Variants in ZMIZ1 observed in about 807,000 individuals in gnomAD.
The protein encoded by ZMIZ1 is zinc finger MIZ-type containing 1, also known as zinc finger MIZ domain-containing protein 1.
In ZMIZ1, 17 loss-of-function variants were observed where a neutral mutation model predicts 113.9. The ratio of observed to expected loss-of-function variants is 0.15; its 90% CI spans 0.10 to 0.22. The LOEUF is 0.22. ZMIZ1 is among the 10% of genes least tolerant of loss of function. The pLI is 1.00. For synonymous variants in ZMIZ1, 607 were observed against 603.1 expected, an observed-to-expected ratio of 1.01 and a Z score of -0.09; for missense variants, 1,059 against 1,477.8, an observed-to-expected ratio of 0.72 and a Z score of 4.65.
intron 2 of ZMIZ1, among the ~76,000 whole-genome samples, chr10:79,137,965 G>A (rs967603520): frequency 1.3e-5 from 2 of 152,134 alleles, no homozygotes; most frequent in Non-Finnish European, 2.9e-5. Flanking sequence ...GTGGTAAACC[G>A]ATCTGGCTTC....
chr10:79,089,138 G>C (rs996715186), intron 1 of ZMIZ1, among the ~76,000 whole-genome samples: 23 of 152,232 alleles, frequency 1.5e-4, no homozygotes, highest in African/African-American at 5.3e-4. Context: ...ACCTGGGCTG[G>C]TGCCACACTT....
At position 79,106,868 on chromosome 10, in the gene ZMIZ1, C is replaced by T. The variant is rs114457785; in HGVS notation, c.-336-12047C>T. On this transcript the variant is annotated intron_variant, in intron 1 of 24. Transcript: ENST00000334512. The stretch of plus-strand genomic sequence containing the variant: ...CAGGCATCGTGCAGGTGGCCGAGTG[C>T]CCCAGATTTTCTAGGACAGCCCTGG... 3.4e-3 allele frequency among the ~76,000 whole-genome samples: 518 copies of T among 152,322 alleles called. 3 individuals are homozygous for T. Among genetic ancestry groups the T allele is most frequent in the African/African-American group, 0.012 (506 of 41,562 alleles).
rs556605419 is a variant in ZMIZ1, at chr10:79,251,849, C to G, written c.281-25332C>G. Among the ~76,000 whole-genome samples, 7 of 152,210 alleles carry G rather than the reference C, an allele frequency of 4.6e-5. No homozygotes were observed. In the East Asian group the frequency reaches 7.7e-4, roughly 17 times the overall value. On this transcript the variant is annotated intron_variant, in intron 7 of 24. Transcript: ENST00000334512. ...CTGGAAAACGGACAGAAGCCATTGT[C>G]CCAGGGGGTCAGGGCAGCAGCACCC... is the stretch of plus-strand genomic sequence containing the variant.
At chr10:79,184,430 A>G (rs1847263607) in intron 4 of ZMIZ1, among the ~76,000 whole-genome samples, 1 of 152,086 alleles carries the variant, frequency 6.6e-6, no homozygotes, top group African/African-American at 2.4e-5. Flanking sequence ...AATTCCCTCT[A>G]TTGAGGGATA....
chr10:79,122,766 C>T (rs753654041), intron 2 of ZMIZ1, among the ~76,000 whole-genome samples: 2 of 152,194 alleles, frequency 1.3e-5, no homozygotes, highest in African/African-American at 2.4e-5. Context: ...GAGGTACAAC[C>T]ATCCTAAGTT....
intron 1 of ZMIZ1, among the ~76,000 whole-genome samples, chr10:79,080,271 T>C (rs887252206): frequency 6.6e-6 from 1 of 150,386 alleles, no homozygotes; most frequent in Non-Finnish European, 1.5e-5. Flanking sequence ...CCTCAGATCC[T>C]GGGAGAAGAG....
chr10:79,296,929 T>A lies in ZMIZ1; in HGVS notation c.1413+276T>A, dbSNP rs1347067035. On this transcript the variant is annotated intron_variant, in intron 13 of 24. Transcript: ENST00000334512. This position sits in a 1 kb window ranked among gnomAD's most constrained non-coding sequence, Gnocchi z 4.1. ...CTCACAAAATAATAAAGGAAATATA[T>A]TTTATTAAAAAAACACACATCCCCT... is the stretch of plus-strand genomic sequence containing the variant. 1.8e-5 allele frequency: 6 copies of A among 341,222 alleles called. No individual in the cohort carries two copies. Among genetic ancestry groups the A allele is most frequent in the Non-Finnish European group, 2.6e-5 (5 of 190,268 alleles). 21.1% of individuals were successfully genotyped at this position (341,222 alleles called of 1,614,324 possible).
chr10:79,178,382 C>T (rs988093709), intron 4 of ZMIZ1, among the ~76,000 whole-genome samples: 1 of 152,168 alleles, frequency 6.6e-6, no homozygotes, highest in Non-Finnish European at 1.5e-5. Flanking sequence ...TGGTGAGTGA[C>T]GCCTACCAGA....
Position 79,296,598 on chromosome 10 carries a change from A to G in ZMIZ1, c.1358A>G (p.Gln453Arg), listed in dbSNP as rs1403727952. ...PNYPGQRMPSQPSSGQYPPPT... is the reference protein window; with the variant it reads ...PNYPGQRMPSRPSSGQYPPPT... ...TACCCAGGACAGAGGATGCCCAGCC[A>G]GCCGAGCTCCGGGCAGTACCCGCCC... Residue 453 changes from glutamine (Q) to arginine (R), a missense_variant, in exon 13 of 25, where the codon CAG becomes CGG. Physicochemically the swap from Gln to Arg is conservative, Grantham distance 43. Transcript: ENST00000334512. This position sits in a 1 kb window ranked among gnomAD's most constrained non-coding sequence, Gnocchi z 4.1. 3 of 1,573,218 alleles carry G rather than the reference A, an allele frequency of 1.9e-6. No homozygotes were observed. Among genetic ancestry groups the G allele is most frequent in the Non-Finnish European group, 2.6e-6 (3 of 1,158,840 alleles).
chr10:79,313,753 C>CTGTT lies in ZMIZ1; in HGVS notation c.*1005_*1008dup, dbSNP rs1374468509. ...CAGCAAGCAAACCATTTCTCTCCGT[C>CTGTT]TGTTCTGTTTTTCTCCTAGTCCCTC... is the stretch of plus-strand genomic sequence containing the variant. On this transcript the variant is annotated 3_prime_UTR_variant, in exon 25 of 25. Transcript: ENST00000334512. The CTGTT allele has an allele frequency of 6.3e-6, 2 of 317,778 alleles. No individual in the cohort carries two copies. The highest frequency in any genetic ancestry group is 5.2e-5 in the South Asian group (2 of 38,256). 19.7% of individuals were successfully genotyped at this position (317,778 alleles called of 1,614,324 possible).
At position 79,069,320 on chromosome 10, in the gene ZMIZ1, C is replaced by T. The variant is rs1589235474; in HGVS notation, c.-337+50C>T. 1 of 150,520 alleles carries T rather than the reference C, an allele frequency of 6.6e-6. No individual in the cohort carries two copies. The highest frequency in any genetic ancestry group is 6.6e-5 in the Admixed American group (1 of 15,142). The allele number at this position is 150,520 out of a possible 1,614,324, so 9.3% of individuals were successfully genotyped here. A position where few individuals can be genotyped will look rare whatever the true frequency, so the allele number is the denominator to read the frequency against. On this transcript the variant is annotated intron_variant, in intron 1 of 24. Transcript: ENST00000334512. This position sits in a 1 kb window ranked among gnomAD's most constrained non-coding sequence, Gnocchi z 4.6. ...GCCCGCTGGCTCCGGGGCTACCTCC[C>T]GCTCCCCGGGGACTCTCGGGGTGCA...
intron 24 of ZMIZ1, among the ~76,000 whole-genome samples, chr10:79,312,123 T>C (rs888758846): frequency 2.6e-4 from 40 of 152,328 alleles, no homozygotes; most frequent in African/African-American, 9.4e-4. Flanking sequence ...AGAGACAGTC[T>C]GCATCCCCTC....
intron 1 of ZMIZ1, among the ~76,000 whole-genome samples, chr10:79,089,358 C>T (rs1262651956): frequency 2.0e-5 from 3 of 152,238 alleles, no homozygotes; most frequent in African/African-American, 7.2e-5. Context: ...ATCAACAACA[C>T]GAGGTGCTCC....
chr10:79,297,804 G>T lies in ZMIZ1; in HGVS notation c.1491+114G>T. On this transcript the variant is annotated intron_variant, in intron 14 of 24. Transcript: ENST00000334512. Reference sequence around the variant, plus strand: ...CATTCAAAGGGGCCCATGGGTGGGGGTGCACTCCCTGGTCCCCTGTCCTGG... The same window carrying T: ...CATTCAAAGGGGCCCATGGGTGGGGTTGCACTCCCTGGTCCCCTGTCCTGG... 7 of 877,534 alleles carry T rather than the reference G, an allele frequency of 8.0e-6. No homozygotes were observed. In the Middle Eastern group the frequency reaches 1.1e-3, roughly 138 times the overall value. 54.4% of individuals were successfully genotyped at this position (877,534 alleles called of 1,614,324 possible). A position where few individuals can be genotyped will look rare whatever the true frequency, so the allele number is the denominator to read the frequency against.
At chr10:79,183,329 C>T (rs951946953) in intron 4 of ZMIZ1, among the ~76,000 whole-genome samples, 9 of 151,658 alleles carry the variant, frequency 5.9e-5, no homozygotes, top group Non-Finnish European at 1.0e-4. Flanking sequence ...ACACCCGGGA[C>T]GCAGCACAGG....
chr10:79,237,579 TCA>T (rs1236389346), intron 7 of ZMIZ1, among the ~76,000 whole-genome samples: 4 of 152,162 alleles, frequency 2.6e-5, no homozygotes, highest in South Asian at 4.1e-4. Flanking sequence ...CAACATAACT[TCA>T]GTCTTCACGT....
intron 8 of ZMIZ1, among the ~76,000 whole-genome samples, chr10:79,277,909 G>A (rs1445366309): frequency 6.6e-6 from 1 of 152,266 alleles, no homozygotes; most frequent in African/African-American, 2.4e-5. Context: ...CTGAGCTGGG[G>A]ATGCTCTCTC....
chr10:79,306,031 G>A (rs1162730902), intron 21 of ZMIZ1, 69 bp from the exon 22 acceptor site: 1 of 1,565,552 alleles, frequency 6.4e-7, no homozygotes, highest in Non-Finnish European at 8.6e-7. Context: ...GTCTGTCGGA[G>A]CTGGAGGTGC....
chr10:79,245,868 G>A (rs574468285), intron 7 of ZMIZ1, among the ~76,000 whole-genome samples: 35 of 152,210 alleles, frequency 2.3e-4, no homozygotes, highest in Non-Finnish European at 3.8e-4. Flanking sequence ...AGCCACCGAA[G>A]GCTGGTAGCC....
Sources: allele counts gnomAD v4.1 joint callset (sites outside exome capture counted in the v4.1 genomes callset), GRCh38; gene constraint gnomAD v4.1.1; non-coding constraint Gnocchi (gnomAD v3.1); transcripts MANE v1.5; gene names NCBI Gene and HGNC (gene_info 2026-07-23, HGNC 2026-07-21).